ARSJ: variants seen among roughly 807,000 people sequenced by gnomAD.
ARSJ encodes arylsulfatase J.
Under a neutral mutation model 35.9 loss-of-function variants are expected in ARSJ, and 26 were observed. That is an observed-to-expected ratio of 0.72 (90% confidence interval 0.53 to 1.00). ARSJ has a LOEUF of 1.00. ARSJ is among the 50% of genes least tolerant of loss of function. ARSJ has a pLI of 0.00. For synonymous variants in ARSJ, 294 were observed against 267.6 expected (o/e 1.10, Z -0.96); for missense variants, 667 against 723.6 (o/e 0.92, Z 0.90).
intron 1 of ARSJ, among the ~76,000 whole-genome samples, chr4:113,974,063 C>T (rs995053741): frequency 1.3e-5 from 2 of 152,094 alleles, no homozygotes; most frequent in Admixed American, 6.5e-5. Flanking sequence ...TTTTAATAAA[C>T]AGTGTGGGTC....
intron 1 of ARSJ, among the ~76,000 whole-genome samples, chr4:113,954,879 C>T (rs1051308171): frequency 6.6e-6 from 1 of 152,000 alleles, no homozygotes; most frequent in African/African-American, 2.4e-5. Context: ...CATATCTTTC[C>T]CTTTGCTGTT....
chr4:113,970,137 CAG>C (rs1727150567), intron 1 of ARSJ, among the ~76,000 whole-genome samples: 1 of 152,098 alleles, frequency 6.6e-6, no homozygotes. Flanking sequence ...GGAGTGAAAA[CAG>C]AATGAGCCAA....
At position 113,902,196 on chromosome 4, in the gene ARSJ, C is replaced by A. The variant is rs2099667292; in HGVS notation, c.*78G>T. ...GCTTAGGCCAGCGATATTATCGAGC[C>A]AAATTTGCTGGTTTACCTAGGAAAC... is the stretch of plus-strand genomic sequence containing the variant. On this transcript the variant is annotated 3_prime_UTR_variant, in exon 2 of 2. Coordinates refer to ENST00000315366, the MANE Select transcript of ARSJ (RefSeq NM_024590.4). 6.3e-7 allele frequency: 1 copy of A among 1,599,390 alleles called. No individual in the cohort carries two copies. Among genetic ancestry groups the A allele is most frequent in the African/African-American group, 1.3e-5 (1 of 74,892 alleles).
chr4:113,970,328 G>A (rs183877335), intron 1 of ARSJ: 6 of 152,304 alleles, frequency 3.9e-5, no homozygotes, highest in African/African-American at 1.4e-4. Flanking sequence ...AGTCACATAA[G>A]TTTAGGTTTA....
At chr4:113,963,077 TA>T (rs1227082457) in intron 1 of ARSJ, among the ~76,000 whole-genome samples, 5 of 152,166 alleles carry the variant, frequency 3.3e-5, no homozygotes, top group Admixed American at 3.3e-4. Context: ...GTGACCTTTG[TA>T]ATATTGTCCT....
chr4:113,967,172 A>C (rs987797998), intron 1 of ARSJ, among the ~76,000 whole-genome samples: 2 of 152,186 alleles, frequency 1.3e-5, no homozygotes, highest in Non-Finnish European at 2.9e-5. Flanking sequence ...TTTGAGCTCT[A>C]AAAATTCTAT....
In ARSJ at chr4:113,978,666, C is replaced by A. The variant is rs1402686851; in HGVS notation, c.169G>T (p.Ala57Ser). The A allele has an allele frequency of 1.9e-6, 3 of 1,614,222 alleles. No homozygotes were observed. The Admixed American group carries it at 5.0e-5, about 27-fold the overall frequency. ...TTCTCTCCAGCTTGAGCTAGTAAGG[C>A]CCCTTCTTCCTCCTCTTCTAAGGCC... The part of the protein sequence containing the change: ...GQALEEEEEG[A>S]LLAQAGEKLE... The change falls in exon 1 of 2, where the codon GCC becomes TCC. Residue 57 changes from alanine (A) to serine (S), a missense_variant. Ala to Ser is a moderately conservative substitution (Grantham distance 99). Transcript: ENST00000315366.
intron 1 of ARSJ, among the ~76,000 whole-genome samples, chr4:113,917,138 T>G (rs1723361208): frequency 1.3e-5 from 2 of 152,156 alleles, no homozygotes. Context: ...CTCAGCTGAT[T>G]GTATTCTGGG....
intron 1 of ARSJ, among the ~76,000 whole-genome samples, chr4:113,938,998 G>T (rs911704305): frequency 1.3e-5 from 2 of 151,296 alleles, no homozygotes; most frequent in East Asian, 3.9e-4. Flanking sequence ...TGCCATGCTG[G>T]TGTGCTGCAC....
At chr4:113,944,244 T>C (rs1007468789) in intron 1 of ARSJ, 3 of 152,030 alleles carry the variant, frequency 2.0e-5, no homozygotes, top group Non-Finnish European at 2.9e-5. Context: ...ATCTATGTGT[T>C]TGGGCTGCGG....
intron 1 of ARSJ, among the ~76,000 whole-genome samples, chr4:113,976,292 G>A (rs542063718): frequency 3.3e-5 from 5 of 152,118 alleles, no homozygotes; most frequent in African/African-American, 9.6e-5. Context: ...AAATAGTTTA[G>A]TTCATTTCAG....
rs200499922 is a variant in ARSJ, at chr4:113,978,622, A to G, written c.213T>C (p.Thr71=). 14 of 1,614,158 alleles carry G rather than the reference A, an allele frequency of 8.7e-6. No individual in the cohort carries two copies. Among genetic ancestry groups the G allele is most frequent in the Non-Finnish European group, 1.2e-5 (14 of 1,180,024 alleles). The part of the protein sequence containing the change: ...QAGEKLEPST[T]STSQPHLIFI... ...AAATGAGATGGGGCTGGGAGGTGGAAGTTGTGCTGGGCTCTAGTTTCTCTC... is the reference window on the plus strand; with the variant it reads ...AAATGAGATGGGGCTGGGAGGTGGAGGTTGTGCTGGGCTCTAGTTTCTCTC... The change falls in exon 1 of 2, where the codon ACT becomes ACC. Residue 71 remains threonine (T), a synonymous_variant. Transcript: ENST00000315366.
At chr4:113,971,251 A>G (rs1459630744) in intron 1 of ARSJ, among the ~76,000 whole-genome samples, 2 of 152,212 alleles carry the variant, frequency 1.3e-5, no homozygotes, top group Non-Finnish European at 2.9e-5. Context: ...TTTTATACTG[A>G]GCTCATATTA....
chr4:113,921,701 C>T (rs1433377852), intron 1 of ARSJ, among the ~76,000 whole-genome samples: 1 of 152,132 alleles, frequency 6.6e-6, no homozygotes, highest in Admixed American at 6.6e-5. Context: ...CCTAGCTTCT[C>T]TTCTTAGTCA....
At chr4:113,922,435 A>G (rs1723741097) in intron 1 of ARSJ, among the ~76,000 whole-genome samples, 1 of 152,186 alleles carries the variant, frequency 6.6e-6, no homozygotes, top group Non-Finnish European at 1.5e-5. Flanking sequence ...TGAAATGTGT[A>G]ACATGATATC....
intron 1 of ARSJ, among the ~76,000 whole-genome samples, chr4:113,907,479 G>C (rs1402689540): frequency 6.6e-6 from 1 of 151,950 alleles, no homozygotes; most frequent in Non-Finnish European, 1.5e-5. Flanking sequence ...CTTTAGTTGG[G>C]GGTAAGAATG....
At chr4:113,905,436 A>C (rs115130277) in intron 1 of ARSJ, among the ~76,000 whole-genome samples, 1 of 152,232 alleles carries the variant, frequency 6.6e-6, no homozygotes, top group Non-Finnish European at 1.5e-5. Context: ...TTGAAGTGTT[A>C]ATTGCAACAC....
At chr4:113,940,816 A>G (rs1320462909) in intron 1 of ARSJ, among the ~76,000 whole-genome samples, 1 of 151,734 alleles carries the variant, frequency 6.6e-6, no homozygotes, top group Non-Finnish European at 1.5e-5. Context: ...TTTTTTTTTC[A>G]TCTTGAATTC....
At chr4:113,959,465 C>T (rs11098215) in intron 1 of ARSJ, among the ~76,000 whole-genome samples, 6,974 of 151,954 alleles carry the variant, frequency 0.046, 537 homozygotes, top group African/African-American at 0.15. Flanking sequence ...CATATATAAA[C>T]CTGTGAACGA....
Sources: gnomAD v4.1 joint callset for allele counts (sites outside exome capture counted in the v4.1 genomes callset) on GRCh38, gnomAD v4.1.1 for gene constraint, MANE v1.5 for transcripts, NCBI Gene and HGNC (gene_info 2026-07-23, HGNC 2026-07-21) for gene names.